LARGE1: variants seen among roughly 807,000 people sequenced by gnomAD.
LARGE1 encodes xylosyl- and glucuronyltransferase LARGE1.
LARGE1 carries 43 observed loss-of-function variants against 87.6 expected under a neutral mutation model. The ratio of observed to expected loss-of-function variants is 0.49; its 90% CI spans 0.38 to 0.63. The LOEUF (loss-of-function observed/expected upper bound fraction) is 0.63, where lower values mean the gene tolerates loss of function less well. Ranked by LOEUF, LARGE1 falls within the 30% of genes least tolerant of loss-of-function variation. LARGE1 has a pLI of 0.00. For synonymous variants in LARGE1, 434 were observed against 394.6 expected (o/e 1.10, Z -1.18); for missense variants, 802 against 1,000.2 (o/e 0.80, Z 2.67).
chr22:33,626,402 A>C, intron 3 of LARGE1, 76 bp from the exon 4 acceptor site: 1 of 1,151,016 alleles, frequency 8.7e-7, no homozygotes, highest in Non-Finnish European at 1.3e-6. Flanking sequence ...ATCACACTAG[A>C]AAGAAAAATT....
At chr22:33,153,829 T>C in the LARGE1 span, among the ~76,000 whole-genome samples, 7 of 152,274 alleles carry the variant, frequency 4.6e-5, no homozygotes, top group Non-Finnish European at 8.8e-5. Flanking sequence ...TCTCTGTGAC[T>C]TCCTACTCTT....
chr22:33,488,800 G>A (rs959757493), intron 6 of LARGE1, among the ~76,000 whole-genome samples: 5 of 152,154 alleles, frequency 3.3e-5, no homozygotes, highest in Non-Finnish European at 7.3e-5. Context: ...ATTCCAAGAT[G>A]CAAGCAGTCA....
At chr22:33,808,957 C>G (rs558776842) in intron 1 of LARGE1, among the ~76,000 whole-genome samples, 1 of 138,198 alleles carries the variant, frequency 7.2e-6, no homozygotes, top group African/African-American at 2.6e-5. Context: ...CTAACCCCGC[C>G]CACCCACCCC....
the LARGE1 span, among the ~76,000 whole-genome samples, chr22:33,132,829 A>G: frequency 3.3e-5 from 5 of 152,152 alleles, no homozygotes; most frequent in African/African-American, 1.2e-4. Context: ...GAAATTCTTC[A>G]TCTATTATCG....
intron 1 of LARGE1, among the ~76,000 whole-genome samples, chr22:33,842,310 G>C (rs1440582713): frequency 6.6e-6 from 1 of 151,998 alleles, no homozygotes; most frequent in Non-Finnish European, 1.5e-5. Context: ...CAAGCAGTAG[G>C]GCATTTTTTA....
At chr22:33,491,778 A>T (rs1468648242) in intron 6 of LARGE1, among the ~76,000 whole-genome samples, 1 of 152,252 alleles carries the variant, frequency 6.6e-6, no homozygotes, top group African/African-American at 2.4e-5. Flanking sequence ...CTTGAAGGCT[A>T]GTATTGCATA....
At chr22:33,548,514 C>A (rs145113125) in intron 6 of LARGE1, among the ~76,000 whole-genome samples, 1,552 of 152,254 alleles carry the variant, frequency 0.01, 12 homozygotes, top group Non-Finnish European at 0.014. Flanking sequence ...CTCCCGGGTA[C>A]AGGCGATTCC....
chr22:33,079,621 A>G, the LARGE1 span, among the ~76,000 whole-genome samples: 5 of 152,140 alleles, frequency 3.3e-5, no homozygotes. Context: ...ACTAGACTGG[A>G]TCACACTCTA....
chr22:33,579,393 G>C (rs760948333), intron 5 of LARGE1, among the ~76,000 whole-genome samples: 1 of 152,168 alleles, frequency 6.6e-6, no homozygotes, highest in Non-Finnish European at 1.5e-5. Flanking sequence ...TCTTTCTTTT[G>C]TAAATTGTCC....
chr22:33,290,217 G>T (rs1281319774), intron 12 of LARGE1, among the ~76,000 whole-genome samples: 4 of 152,014 alleles, frequency 2.6e-5, no homozygotes, highest in African/African-American at 9.7e-5. Flanking sequence ...CTAGAGGCAG[G>T]TCCCTGTAAC....
chr22:33,608,450 T>C (rs1248574323), intron 4 of LARGE1, among the ~76,000 whole-genome samples: 1 of 152,192 alleles, frequency 6.6e-6, no homozygotes, highest in African/African-American at 2.4e-5. Flanking sequence ...GTGTCTTTCT[T>C]CTGCTAACTC....
the LARGE1 span, among the ~76,000 whole-genome samples, chr22:33,141,673 T>G: frequency 6.6e-6 from 1 of 152,180 alleles, no homozygotes; most frequent in Non-Finnish European, 1.5e-5. Flanking sequence ...AAACTGAGGT[T>G]GTTCCAAGCC....
At chr22:33,851,904 T>G (rs1382857680) in intron 1 of LARGE1, among the ~76,000 whole-genome samples, 1 of 152,122 alleles carries the variant, frequency 6.6e-6, no homozygotes, top group Non-Finnish European at 1.5e-5. Flanking sequence ...CTGGGGAATG[T>G]TTGGTTGTTT....
chr22:33,737,259 C>T (rs1189242127), intron 2 of LARGE1, among the ~76,000 whole-genome samples: 1 of 152,214 alleles, frequency 6.6e-6, no homozygotes, highest in African/African-American at 2.4e-5. Flanking sequence ...CTCCCTTCCC[C>T]ACATGGGCTT....
At chr22:33,697,413 T>C (rs2082282725) in intron 2 of LARGE1, among the ~76,000 whole-genome samples, 1 of 151,850 alleles carries the variant, frequency 6.6e-6, no homozygotes, top group South Asian at 2.1e-4. Flanking sequence ...TGGCAATACA[T>C]TGGCAGGGCA....
chr22:33,572,291 T>C, intron 5 of LARGE1: 1 of 844,692 alleles, frequency 1.2e-6, no homozygotes, highest in Non-Finnish European at 1.6e-6. Context: ...CCAACCTATA[T>C]GTTCAGAGTA....
At chr22:33,609,924 C>T (rs1450200891) in intron 4 of LARGE1, among the ~76,000 whole-genome samples, 1 of 151,728 alleles carries the variant, frequency 6.6e-6, no homozygotes, top group Non-Finnish European at 1.5e-5. Context: ...TTTTTTTAAA[C>T]ACTTTCTCTT....
At chr22:33,605,594 T>A (rs1023868912) in intron 4 of LARGE1, among the ~76,000 whole-genome samples, 2 of 152,194 alleles carry the variant, frequency 1.3e-5, no homozygotes, top group African/African-American at 2.4e-5. Context: ...TAATAATCAA[T>A]AGCAGATGCG....
At chr22:33,089,116 A>G in the LARGE1 span, among the ~76,000 whole-genome samples, 10 of 152,136 alleles carry the variant, frequency 6.6e-5, no homozygotes, top group Non-Finnish European at 1.5e-4. Context: ...GATCCGATTA[A>G]TCACTGGAGG....
Sources: allele counts gnomAD v4.1 joint callset (sites outside exome capture counted in the v4.1 genomes callset), GRCh38; gene constraint gnomAD v4.1.1; transcripts MANE v1.5; gene names NCBI Gene and HGNC (gene_info 2026-07-23, HGNC 2026-07-21).